Variants in RASA3 observed in about 807,000 individuals in gnomAD.
The protein encoded by RASA3 is ras GTPase-activating protein 3.
A neutral mutation model predicts 110.0 loss-of-function variants in RASA3; 73 were observed. The ratio of observed to expected loss-of-function variants is 0.66; its 90% CI spans 0.55 to 0.81. RASA3 has a LOEUF of 0.81. RASA3 is among the 30% of genes least tolerant of loss of function. RASA3 has a pLI of 0.00. For synonymous variants in RASA3, 500 were observed against 451.4 expected (o/e 1.11, Z -1.37); for missense variants, 976 against 1,113.2 (o/e 0.88, Z 1.75).
rs771989967 is a variant in RASA3, at chr13:114,056,762, C to T, written c.174-4607G>A. 26 of 788,854 alleles carry T rather than the reference C, an allele frequency of 3.3e-5. No homozygotes were observed. The East Asian group carries it at 6.3e-4, about 19-fold the overall frequency. 48.9% of individuals were successfully genotyped at this position (788,854 alleles called of 1,614,324 possible). A position where few individuals can be genotyped will look rare whatever the true frequency, so the allele number is the denominator to read the frequency against. ...AAAGAGGAAGCTACAAGAAAACATA[C>T]GAACTCCATAAAATTATCACCACAG... On this transcript the variant is annotated intron_variant, in intron 2 of 23. Coordinates refer to ENST00000334062, the MANE Select transcript of RASA3 (RefSeq NM_007368.4). The surrounding 1 kb of genome is among the most constrained non-coding windows in gnomAD (Gnocchi z 5.7).
intron 1 of RASA3, among the ~76,000 whole-genome samples, chr13:114,089,450 C>T (rs1042667593): frequency 5.9e-5 from 9 of 151,942 alleles, no homozygotes; most frequent in Admixed American, 2.0e-4. Flanking sequence ...CACAGGTGCC[C>T]GGCAAGCCCA....
intron 18 of RASA3, among the ~76,000 whole-genome samples, chr13:114,005,342 G>T (rs532159333): frequency 1.3e-5 from 2 of 152,218 alleles, no homozygotes; most frequent in Non-Finnish European, 2.9e-5. Context: ...TGGTGGAAAC[G>T]GGCAGACGTG....
chr13:114,090,144 G>A (rs1409786995), intron 1 of RASA3, among the ~76,000 whole-genome samples: 2 of 152,194 alleles, frequency 1.3e-5, no homozygotes, highest in East Asian at 3.9e-4. Flanking sequence ...ACAGCTTTGG[G>A]ATTCTCTTGA....
intron 1 of RASA3, among the ~76,000 whole-genome samples, chr13:114,081,688 C>T (rs2079790906): frequency 1.3e-5 from 2 of 152,162 alleles, no homozygotes; most frequent in Admixed American, 1.3e-4. Flanking sequence ...CACCAGGAGA[C>T]TGAGGCAAAT....
At chr13:113,982,764 G>A (rs2052965305) in intron 22 of RASA3, among the ~76,000 whole-genome samples, 1 of 152,252 alleles carries the variant, frequency 6.6e-6, no homozygotes, top group African/African-American at 2.4e-5. Context: ...AGGCGTGAGG[G>A]TGGAACCCTT....
intron 4 of RASA3, among the ~76,000 whole-genome samples, chr13:114,033,318 T>C (rs181521658): frequency 0.012 from 163 of 13,708 alleles, no homozygotes; most frequent in Middle Eastern, 0.045. Context: ...CCACACTTGA[T>C]ACCACGTTCC....
chr13:114,014,894 G>A lies in RASA3; in HGVS notation c.1405+315C>T, dbSNP rs1362401643. Among the ~76,000 whole-genome samples, 1 of 152,090 alleles carries A rather than the reference G, an allele frequency of 6.6e-6. No homozygotes were observed. The highest frequency in any genetic ancestry group is 6.6e-5 in the Admixed American group (1 of 15,266). On this transcript the variant is annotated intron_variant, in intron 14 of 23. Coordinates refer to ENST00000334062, the MANE Select transcript of RASA3 (RefSeq NM_007368.4). The surrounding 1 kb of genome is among the most constrained non-coding windows in gnomAD (Gnocchi z 4.5). The stretch of plus-strand genomic sequence containing the variant: ...GGCCACCCTTCCCGGCCCCCCCAGA[G>A]ACCACTGTGGTCGTGAACTCCAGGG...
chr13:113,988,545 T>A (rs1186960978), intron 22 of RASA3, among the ~76,000 whole-genome samples: 1 of 40,510 alleles, frequency 2.5e-5, no homozygotes, highest in Non-Finnish European at 4.1e-5. Flanking sequence ...CACTCACCCA[T>A]CCATCCATCC....
chr13:114,011,048 G>C lies in RASA3; in HGVS notation c.1590+123C>G, dbSNP rs2053627493. ...GGTTTCAAGAGAGGATGTGGTGCCG[G>C]CTTTGATTCTTGATCTTTATCTTAC... On this transcript the variant is annotated intron_variant, in intron 16 of 23. Transcript: ENST00000334062. This position sits in a 1 kb window ranked among gnomAD's most constrained non-coding sequence, Gnocchi z 4.8. 1 of 936,144 alleles carries C rather than the reference G, an allele frequency of 1.1e-6. No individual in the cohort carries two copies. Among genetic ancestry groups the C allele is most frequent in the African/African-American group, 1.6e-5 (1 of 61,282 alleles). 58.0% of individuals were successfully genotyped at this position (936,144 alleles called of 1,614,324 possible). A position where few individuals can be genotyped will look rare whatever the true frequency, so the allele number is the denominator to read the frequency against.
At chr13:114,019,155 C>T (rs1226272489) in intron 9 of RASA3, among the ~76,000 whole-genome samples, 4 of 149,684 alleles carry the variant, frequency 2.7e-5, no homozygotes, top group South Asian at 2.1e-4. Flanking sequence ...GGGGGAAACG[C>T]GGAGGGGGAT....
intron 21 of RASA3, among the ~76,000 whole-genome samples, chr13:113,995,073 G>A (rs1344302853): frequency 6.6e-6 from 1 of 152,254 alleles, no homozygotes; most frequent in Non-Finnish European, 1.5e-5. Flanking sequence ...GGCCTCAGCG[G>A]CTGGAGCCTC....
chr13:114,062,378 A>G (rs1257089745), intron 2 of RASA3, among the ~76,000 whole-genome samples: 2 of 152,358 alleles, frequency 1.3e-5, no homozygotes, highest in South Asian at 2.1e-4. Flanking sequence ...TCAAAGAGAC[A>G]GTAACAAGGG....
At chr13:114,018,544 C>A (rs1462849898) in intron 10 of RASA3, among the ~76,000 whole-genome samples, 2 of 152,194 alleles carry the variant, frequency 1.3e-5, no homozygotes, top group Admixed American at 6.5e-5. Context: ...CCCGGAGAGT[C>A]CTTAGCATCA....
intron 14 of RASA3, among the ~76,000 whole-genome samples, 190 bp from the exon 15 acceptor site, chr13:114,013,438 T>C (rs1437867345): frequency 1.4e-5 from 1 of 69,858 alleles, no homozygotes; most frequent in African/African-American, 8.0e-5. Flanking sequence ...TCTCTCTCCA[T>C]CTCTCTGTCT....
chr13:114,045,939 G>A (rs1379950317), intron 3 of RASA3, among the ~76,000 whole-genome samples: 3 of 71,102 alleles, frequency 4.2e-5, no homozygotes, highest in African/African-American at 3.1e-4. Flanking sequence ...AAAGACCCAA[G>A]CGTGTAAAGA....
intron 1 of RASA3, among the ~76,000 whole-genome samples, chr13:114,075,010 G>A (rs1418162434): frequency 6.6e-6 from 1 of 152,130 alleles, no homozygotes; most frequent in Non-Finnish European, 1.5e-5. Flanking sequence ...CGCCTCCCCA[G>A]GGCCTTTTCT....
intron 1 of RASA3, among the ~76,000 whole-genome samples, chr13:114,119,909 C>CT (rs1390157706): frequency 3.0e-5 from 1 of 33,842 alleles, no homozygotes; most frequent in African/African-American, 9.5e-5. Context: ...GCCCCCCTCC[C>CT]CTCTCCAGCC....
At chr13:114,072,648 G>A (rs544726586) in intron 2 of RASA3, among the ~76,000 whole-genome samples, 51 of 152,260 alleles carry the variant, frequency 3.3e-4, no homozygotes, top group African/African-American at 1.2e-3. Context: ...TGCACTTCCT[G>A]GACAGCGGGA....
intron 4 of RASA3, among the ~76,000 whole-genome samples, chr13:114,037,920 GCC>G (rs1474679858): frequency 6.6e-6 from 1 of 151,610 alleles, no homozygotes; most frequent in Non-Finnish European, 1.5e-5. Context: ...GTTCGGGGGA[GCC>G]GGGAGAAGGG....
Sources: allele counts gnomAD v4.1 joint callset (sites outside exome capture counted in the v4.1 genomes callset), GRCh38; gene constraint gnomAD v4.1.1; non-coding constraint Gnocchi (gnomAD v3.1); transcripts MANE v1.5; gene names NCBI Gene and HGNC (gene_info 2026-07-23, HGNC 2026-07-21).